The following VPS26C variants were observed in gnomAD, a reference collection of about 807,000 sequenced individuals.
VPS26C encodes vacuolar protein sorting-associated protein 26C.
A neutral mutation model predicts 30.6 loss-of-function variants in VPS26C; 19 were observed. That is an observed-to-expected ratio of 0.62 (90% CI 0.43 to 0.91). The LOEUF (loss-of-function observed/expected upper bound fraction) is 0.91, where lower values mean the gene tolerates loss of function less well. Among genes scored for constraint, VPS26C ranks in the 40% least tolerant of loss-of-function variants. The pLI, the probability that VPS26C is intolerant of heterozygous loss-of-function variation, is 0.00. For missense variants in VPS26C, 318 were observed against 385.1 expected, an observed-to-expected ratio of 0.83 and a Z score of 1.46; for synonymous variants, 132 against 151.5, an observed-to-expected ratio of 0.87 and a Z score of 0.95.
Position 37,257,316 on chromosome 21 carries a change from T to C in VPS26C, c.57+9922A>G, listed in dbSNP as rs1479441630. On this transcript the variant is annotated intron_variant, in intron 1 of 7. Transcript: ENST00000309117. The surrounding 1 kb of genome is among the most constrained non-coding windows in gnomAD (Gnocchi z 4.2). ...GCTCTGGACAGGCAAACAGGCAAGG[T>C]TCCCTCTGAGGCCGTAGCGGCTTCT... Among the ~76,000 whole-genome samples, 6 of 152,156 alleles carry C rather than the reference T, an allele frequency of 3.9e-5. No individual in the cohort carries two copies. The highest frequency in any genetic ancestry group is 1.3e-4 in the Admixed American group (2 of 15,282).
chr21:37,260,162 G>T (rs568168882), intron 1 of VPS26C, among the ~76,000 whole-genome samples: 20 of 152,330 alleles, frequency 1.3e-4, no homozygotes, highest in African/African-American at 4.8e-4. Context: ...CTGGGCCTCA[G>T]TCTTCTGAAC....
At chr21:37,239,086 A>G (rs1444958607) in intron 2 of VPS26C, among the ~76,000 whole-genome samples, 1 of 152,192 alleles carries the variant, frequency 6.6e-6, no homozygotes, top group African/African-American at 2.4e-5. Flanking sequence ...CAGGGAGAGC[A>G]GGCCTTTCCT....
In VPS26C at chr21:37,227,821, C is replaced by A; in HGVS notation, c.659-15G>T. 6.2e-7 allele frequency: 1 copy of A among 1,605,236 alleles called. No individual in the cohort carries two copies. The highest frequency in any genetic ancestry group is 1.1e-5 in the South Asian group (1 of 90,610). ...TTCTGCACACCCTGCGGGAGGGAGG[C>A]CACATCACGCGGTCAGGGCCAGCAG... On this transcript the variant is annotated splice_polypyrimidine_tract_variant and intron_variant, in intron 6 of 7. Transcript: ENST00000309117.
chr21:37,225,684 C>A, intron 7 of VPS26C, 58 bp from the exon 8 acceptor site: 1 of 1,428,412 alleles, frequency 7.0e-7, no homozygotes, highest in Non-Finnish European at 9.9e-7. Flanking sequence ...CGAAACCACA[C>A]GCCGCCACCA....
At chr21:37,255,657 C>CT (rs2086234349) in intron 1 of VPS26C, among the ~76,000 whole-genome samples, 1 of 152,138 alleles carries the variant, frequency 6.6e-6, no homozygotes, top group Non-Finnish European at 1.5e-5. Flanking sequence ...AGTAGGACAA[C>CT]AGTGAAGGTC....
chr21:37,255,267 G>A (rs1001456081), intron 1 of VPS26C, among the ~76,000 whole-genome samples: 1 of 152,034 alleles, frequency 6.6e-6, no homozygotes, highest in African/African-American at 2.4e-5. Flanking sequence ...CTTTCCCAAA[G>A]GTGAAGATTT....
chr21:37,228,681 A>T (rs182307696), intron 5 of VPS26C: 1 of 240,324 alleles, frequency 4.2e-6, no homozygotes, highest in Non-Finnish European at 8.2e-6. Flanking sequence ...TAAGACATGA[A>T]AAAGTCTGAG....
Position 37,240,526 on chromosome 21 carries a change from A to C in VPS26C, c.171T>G (p.Gly57=), listed in dbSNP as rs1232075690. 6.2e-7 allele frequency: 1 copy of C among 1,613,960 alleles called. No individual in the cohort carries two copies. The highest frequency in any genetic ancestry group is 1.1e-5 in the South Asian group (1 of 91,068). ...CAGAATTATAAAAAGCTTCAAACAC[A>C]CCCACACTTTTGGCACTGAGCTGGA... ...VNLQLSAKSV[G]VFEAFYNSVK... The change falls in exon 2 of 8, where the codon GGT becomes GGG. Residue 57 remains glycine (G), a synonymous_variant. Transcript: ENST00000309117.
intron 7 of VPS26C, 62 bp downstream of exon 7, chr21:37,227,592 G>A (rs2085913772): frequency 6.3e-7 from 1 of 1,579,586 alleles, no homozygotes; most frequent in Non-Finnish European, 8.7e-7. Context: ...CCCACAGCAG[G>A]CCCTGGCGCT....
At chr21:37,229,714 G>C (rs969284984) in intron 5 of VPS26C, among the ~76,000 whole-genome samples, 5 of 151,914 alleles carry the variant, frequency 3.3e-5, no homozygotes, top group African/African-American at 4.8e-5. Flanking sequence ...CAGCTACTTG[G>C]TCCAGCCATG....
At chr21:37,239,518 T>C (rs529680215) in intron 2 of VPS26C, among the ~76,000 whole-genome samples, 2 of 152,160 alleles carry the variant, frequency 1.3e-5, no homozygotes, top group African/African-American at 2.4e-5. Flanking sequence ...AACAGTAGCA[T>C]AGACACAGCT....
rs540393683 is a variant in VPS26C, at chr21:37,240,730, A to G, written c.58-91T>C. 5.4e-6 allele frequency: 8 copies of G among 1,480,304 alleles called. No homozygotes were observed. The Admixed American group carries it at 7.0e-5, about 13-fold the overall frequency. The allele number at this position is 1,480,304 out of a possible 1,614,324, so 91.7% of individuals were successfully genotyped here. A position where few individuals can be genotyped will look rare whatever the true frequency, so the allele number is the denominator to read the frequency against. Reference sequence around the variant, plus strand: ...CAAACGTAGGTCTCCTTCATCATCAATTTGTTTAAAGATCCAGACATTCAC... The same window carrying G: ...CAAACGTAGGTCTCCTTCATCATCAGTTTGTTTAAAGATCCAGACATTCAC... On this transcript the variant is annotated intron_variant, in intron 1 of 7. Transcript: ENST00000309117.
At chr21:37,255,875 A>ATTTTTTTTTTTTTTTTTTT (rs1403621161) in intron 1 of VPS26C, among the ~76,000 whole-genome samples, 1 of 46,400 alleles carries the variant, frequency 2.2e-5, no homozygotes, top group African/African-American at 1.9e-4. Context: ...TTTTTTTTAG[A>ATTTTTTTTTTTTTTTTTTT]TAGAGGCTGG....
At chr21:37,266,323 C>G (rs1012870351) in intron 1 of VPS26C, among the ~76,000 whole-genome samples, 1 of 152,168 alleles carries the variant, frequency 6.6e-6, no homozygotes, top group Admixed American at 6.5e-5. Context: ...TAGCATCCAT[C>G]CAAGACCTTT....
At chr21:37,248,610 A>G (rs763004121) in intron 1 of VPS26C, among the ~76,000 whole-genome samples, 7 of 152,060 alleles carry the variant, frequency 4.6e-5, no homozygotes, top group African/African-American at 7.2e-5. Flanking sequence ...AAAGTTCTAA[A>G]TAAGGCCCCC....
intron 1 of VPS26C, among the ~76,000 whole-genome samples, chr21:37,249,346 G>A (rs1267290374): frequency 6.6e-6 from 1 of 152,156 alleles, no homozygotes; most frequent in Non-Finnish European, 1.5e-5. Context: ...CATGAAGAGA[G>A]TTTCAGAAAA....
In VPS26C at chr21:37,230,146, C is replaced by A. The variant is rs147753817; in HGVS notation, c.508-1773G>T. Among the ~76,000 whole-genome samples the A allele has an allele frequency of 2.8e-3, 420 of 152,314 alleles. 3 individuals carry two copies. The highest frequency in any genetic ancestry group is 9.4e-3 in the African/African-American group (389 of 41,564). ...CCTCCCAAAGTGGTGGGATTCCAGGCATGATCTACTGTGCCTGGCCAAGAC... is the reference window on the plus strand; with the variant it reads ...CCTCCCAAAGTGGTGGGATTCCAGGAATGATCTACTGTGCCTGGCCAAGAC... On this transcript the variant is annotated intron_variant, in intron 5 of 7. Coordinates refer to ENST00000309117, the MANE Select transcript of VPS26C (RefSeq NM_006052.2).
intron 2 of VPS26C, among the ~76,000 whole-genome samples, chr21:37,239,092 TTCC>T (rs1243222031): frequency 6.6e-6 from 1 of 152,154 alleles, no homozygotes; most frequent in African/African-American, 2.4e-5. Flanking sequence ...GAGCAGGCCT[TTCC>T]TCCAGCCCTG....
intron 1 of VPS26C, among the ~76,000 whole-genome samples, chr21:37,258,354 ACC>A (rs199875429): frequency 7.6e-6 from 1 of 132,260 alleles, no homozygotes; most frequent in Non-Finnish European, 1.7e-5. Flanking sequence ...CACAGCCGCA[ACC>A]CCTCTTTTCA....
Sources: gnomAD v4.1 joint callset for allele counts (sites outside exome capture counted in the v4.1 genomes callset) on GRCh38, gnomAD v4.1.1 for gene constraint, Gnocchi (gnomAD v3.1) non-coding constraint, MANE v1.5 for transcripts, NCBI Gene and HGNC (gene_info 2026-07-23, HGNC 2026-07-21) for gene names.